Variants in TAFA1 observed in about 807,000 individuals in gnomAD.
TAFA1 encodes the protein chemokine-like protein TAFA-1.
In TAFA1, 4 loss-of-function variants were observed where a neutral mutation model predicts 18.5. That is an observed-to-expected ratio of 0.22 (90% confidence interval 0.11 to 0.49). The LOEUF (loss-of-function observed/expected upper bound fraction) is 0.49. Among genes scored for constraint, TAFA1 ranks in the 20% least tolerant of loss-of-function variants. The pLI, the probability that TAFA1 is intolerant of heterozygous loss-of-function variation, is 0.98. For synonymous variants in TAFA1, 56 were observed against 55.2 expected (o/e 1.01, Z -0.06); for missense variants, 147 against 169.0 (o/e 0.87, Z 0.72).
intron 2 of TAFA1, among the ~76,000 whole-genome samples, chr3:68,317,534 C>T (rs1484435350): frequency 3.9e-5 from 6 of 152,170 alleles, no homozygotes; most frequent in Non-Finnish European, 2.9e-5. Context: ...ACCCACATCC[C>T]ATTGGTCAAA....
chr3:68,147,024 T>A (rs1248630179), intron 2 of TAFA1, among the ~76,000 whole-genome samples: 1 of 149,524 alleles, frequency 6.7e-6, no homozygotes, highest in African/African-American at 2.5e-5. Flanking sequence ...TATATATGTG[T>A]GTGTGTGTGT....
chr3:68,176,466 A>T (rs547935858), intron 2 of TAFA1, among the ~76,000 whole-genome samples: 1 of 152,348 alleles, frequency 6.6e-6, no homozygotes, highest in East Asian at 1.9e-4. Flanking sequence ...TGGGTGACAG[A>T]GTGAGACTCC....
chr3:68,108,790 A>G (rs1559523174), intron 2 of TAFA1, among the ~76,000 whole-genome samples: 1 of 152,132 alleles, frequency 6.6e-6, no homozygotes, highest in African/African-American at 2.4e-5. Flanking sequence ...TTTGTCTTTT[A>G]TTATTATAAA....
intron 3 of TAFA1, among the ~76,000 whole-genome samples, chr3:68,492,721 G>GT (rs1278437006): frequency 1.3e-5 from 2 of 152,002 alleles, no homozygotes; most frequent in Middle Eastern, 3.2e-3. Flanking sequence ...AGGTTTTGTA[G>GT]TTTTTTTCTT....
intron 2 of TAFA1, among the ~76,000 whole-genome samples, chr3:68,120,176 TCTTTC>T (rs2065374775): frequency 7.0e-5 from 1 of 14,328 alleles, no homozygotes; most frequent in African/African-American, 1.7e-4. Context: ...TCTTTCTCTT[TCTTTC>T]TTTCTTTCTT....
At chr3:68,179,225 G>A in intron 2 of TAFA1, among the ~76,000 whole-genome samples, 1 of 152,012 alleles carries the variant, frequency 6.6e-6, no homozygotes. Flanking sequence ...CCCTACTTTT[G>A]GCATTTTTAA....
intron 2 of TAFA1, among the ~76,000 whole-genome samples, chr3:68,076,960 C>T (rs1460584732): frequency 6.6e-5 from 10 of 152,172 alleles, no homozygotes; most frequent in Non-Finnish European, 1.2e-4. Flanking sequence ...CACATCCTCT[C>T]CAGCACCTGT....
At chr3:68,335,954 T>A (rs968631639) in intron 2 of TAFA1, among the ~76,000 whole-genome samples, 3 of 152,306 alleles carry the variant, frequency 2.0e-5, no homozygotes, top group Admixed American at 1.3e-4. Flanking sequence ...CAACATTTGT[T>A]CTATACATCT....
intron 2 of TAFA1, among the ~76,000 whole-genome samples, chr3:68,414,326 A>G (rs907807864): frequency 6.6e-6 from 1 of 152,078 alleles, no homozygotes; most frequent in Non-Finnish European, 1.5e-5. Context: ...CAAACAAACA[A>G]AACAAATAAG....
At chr3:68,096,117 T>C (rs1373490533) in intron 2 of TAFA1, among the ~76,000 whole-genome samples, 4 of 152,084 alleles carry the variant, frequency 2.6e-5, no homozygotes, top group Non-Finnish European at 5.9e-5. Context: ...TCTCTATCAT[T>C]CTACCCTCTA....
intron 2 of TAFA1, among the ~76,000 whole-genome samples, chr3:68,175,810 G>A (rs961081037): frequency 1.3e-5 from 2 of 152,118 alleles, no homozygotes; most frequent in Non-Finnish European, 2.9e-5. Context: ...AAGAACATGA[G>A]ATTTGGGAGG....
At chr3:68,002,138 C>T (rs1219333205), upstream of TAFA1, among the ~76,000 whole-genome samples, 1 of 152,154 alleles carries the variant, frequency 6.6e-6, no homozygotes, top group Non-Finnish European at 1.5e-5. Context: ...GGAGAATACA[C>T]TAAATGGCCT....
chr3:68,031,053 T>C (rs1263361106), intron 2 of TAFA1, among the ~76,000 whole-genome samples: 2 of 152,196 alleles, frequency 1.3e-5, no homozygotes, highest in African/African-American at 4.8e-5. Flanking sequence ...TTGCTACTCT[T>C]TGGCTATTAT....
At chr3:68,419,837 G>A (rs55966835) in intron 3 of TAFA1, among the ~76,000 whole-genome samples, 3,308 of 152,206 alleles carry the variant, frequency 0.022, 129 homozygotes, top group African/African-American at 0.075. Context: ...TAAAGGAATC[G>A]CGGTGAACCA....
At chr3:68,261,047 C>T (rs2067409367) in intron 2 of TAFA1, among the ~76,000 whole-genome samples, 1 of 151,922 alleles carries the variant, frequency 6.6e-6, no homozygotes, top group African/African-American at 2.4e-5. Context: ...TATCCAGAAT[C>T]TACAATGAAC....
intron 3 of TAFA1, among the ~76,000 whole-genome samples, chr3:68,460,112 T>C (rs1029704402): frequency 1.3e-5 from 2 of 151,750 alleles, no homozygotes; most frequent in Admixed American, 1.3e-4. Flanking sequence ...AAAGGAAAAA[T>C]GAGGCTTTAA....
At chr3:68,309,906 G>A (rs1559611207) in intron 2 of TAFA1, among the ~76,000 whole-genome samples, 1 of 152,130 alleles carries the variant, frequency 6.6e-6, no homozygotes, top group Non-Finnish European at 1.5e-5. Context: ...TATGTCAGTG[G>A]GAAGGAGGAA....
intron 2 of TAFA1, among the ~76,000 whole-genome samples, chr3:68,386,137 T>G (rs2070097799): frequency 6.6e-6 from 1 of 152,114 alleles, no homozygotes; most frequent in Admixed American, 6.6e-5. Flanking sequence ...TGTGCCAAAT[T>G]TATTCTCCAC....
chr3:68,322,400 A>C (rs1421328122), intron 2 of TAFA1, among the ~76,000 whole-genome samples: 1 of 152,152 alleles, frequency 6.6e-6, no homozygotes, highest in African/African-American at 2.4e-5. Context: ...TACTTCACTC[A>C]AGGAAGCCGG....
Sources: allele counts gnomAD v4.1 joint callset (sites outside exome capture counted in the v4.1 genomes callset), GRCh38; gene constraint gnomAD v4.1.1; transcripts MANE v1.5; gene names NCBI Gene and HGNC (gene_info 2026-07-23, HGNC 2026-07-21).